The following ANKRD52 variants were observed in gnomAD, a reference collection of about 807,000 sequenced individuals.
ANKRD52 encodes ankyrin repeat domain 52.
A neutral mutation model predicts 116.0 loss-of-function variants in ANKRD52; 7 were observed. The observed-to-expected ratio is 0.06, with a 90% CI of 0.03 to 0.11. ANKRD52 has a LOEUF of 0.11. Among genes scored for constraint, ANKRD52 ranks in the 10% least tolerant of loss-of-function variants. The pLI is 1.00. For synonymous variants in ANKRD52, 528 were observed against 578.1 expected (o/e 0.91, Z 1.24); for missense variants, 839 against 1,408.6 (o/e 0.60, Z 6.47).
rs555239344 is a variant in ANKRD52, at chr12:56,258,229, G to A, written c.27+14C>T. ...CCCTGGAAGGAGGAAGCGGGAAAGG[G>A]CAGGAGGGCTGACCTGGTCCGTGAT... On this transcript the variant is annotated intron_variant, in intron 1 of 27. Coordinates refer to ENST00000267116, the MANE Select transcript of ANKRD52 (RefSeq NM_173595.4). The A allele has an allele frequency of 9.4e-6, 15 of 1,599,892 alleles. No individual in the cohort carries two copies. The African/African-American group carries it at 1.3e-4, about 14-fold the overall frequency.
At chr12:56,251,469 C>G (rs552034000) in intron 15 of ANKRD52, among the ~76,000 whole-genome samples, 8 of 152,154 alleles carry the variant, frequency 5.3e-5, no homozygotes, top group Non-Finnish European at 4.4e-5. Flanking sequence ...TGGTCTTGAA[C>G]TCCTAACCTC....
Position 56,248,630 on chromosome 12 carries a change from G to A in ANKRD52, c.1705-64C>T, listed in dbSNP as rs372978550. The A allele has an allele frequency of 1.1e-4, 163 of 1,508,182 alleles. 1 individual carries two copies. The highest frequency in any genetic ancestry group is 2.3e-4 in the Admixed American group (12 of 51,146). 93.4% of individuals were successfully genotyped at this position (1,508,182 alleles called of 1,614,324 possible). On this transcript the variant is annotated intron_variant, in intron 16 of 27. Transcript: ENST00000267116. This position sits in a 1 kb window ranked among gnomAD's most constrained non-coding sequence, Gnocchi z 5.1. ...CTCCCAAGATAGTACCCCAGTCCCC[G>A]ACTCGCAGTAATCCCCACTAAGCCT...
chr12:56,256,701 G>T (rs1014457990), intron 4 of ANKRD52, among the ~76,000 whole-genome samples: 1 of 152,240 alleles, frequency 6.6e-6, no homozygotes, highest in African/African-American at 2.4e-5. Flanking sequence ...ACAAGGAAAA[G>T]AAATCTCAGT....
In ANKRD52 at chr12:56,243,380, G is replaced by T; in HGVS notation, c.2993C>A (p.Ala998Glu). The T allele has an allele frequency of 1.2e-6, 2 of 1,613,844 alleles. No homozygotes were observed. The highest frequency in any genetic ancestry group is 1.7e-6 in the Non-Finnish European group (2 of 1,179,802). The change falls in exon 28 of 28, where the codon GCA (alanine) becomes GAA (glutamate). Residue 998 changes from alanine (A) to glutamate (E), a missense_variant. Physicochemically the swap from Ala to Glu is moderately radical, Grantham distance 107 (BLOSUM62 -1). This residue lies in a region of ANKRD52 where 552 missense variants were observed against 810.6 expected (regional missense o/e 0.68). Coordinates refer to ENST00000267116, the MANE Select transcript of ANKRD52 (RefSeq NM_173595.4). The surrounding 1 kb of genome is among the most constrained non-coding windows in gnomAD (Gnocchi z 4.6). ...LAVDEEGHTP[A>E]LACAPNKDVA... ...ATCTTTGTTGGGGGCACAGGCCAGTGCTGGGGTGTGACCTGCAGGGCCAAG... is the reference window on the plus strand; with the variant it reads ...ATCTTTGTTGGGGGCACAGGCCAGTTCTGGGGTGTGACCTGCAGGGCCAAG...
intron 3 of ANKRD52, 83 bp downstream of exon 3, chr12:56,257,200 G>A: frequency 6.5e-7 from 1 of 1,542,884 alleles, no homozygotes; most frequent in East Asian, 2.4e-5. Flanking sequence ...CCAAGCCGGG[G>A]AGAGCAATCC....
chr12:56,247,106 A>T (rs967929345), intron 20 of ANKRD52, among the ~76,000 whole-genome samples: 1 of 151,402 alleles, frequency 6.6e-6, no homozygotes, highest in Non-Finnish European at 1.5e-5. Flanking sequence ...GCACTTCGGG[A>T]GGCCAAGGTG....
chr12:56,253,830 GTT>G lies in ANKRD52; in HGVS notation c.907-32_907-31del. ...GGAAACATGGTGGGTTTTTGTTTTT[GTT>G]TTTTTTTCCAGTGCAAAGCACAGAG... On this transcript the variant is annotated intron_variant, in intron 8 of 27. Transcript: ENST00000267116. This position sits in a 1 kb window ranked among gnomAD's most constrained non-coding sequence, Gnocchi z 5.5. The G allele has an allele frequency of 6.3e-7, 1 of 1,586,974 alleles. No individual in the cohort carries two copies. The highest frequency in any genetic ancestry group is 1.1e-5 in the South Asian group (1 of 89,382).
Position 56,254,002 on chromosome 12 carries a change from T to C in ANKRD52, c.906+65A>G. 7 of 1,506,592 alleles carry C rather than the reference T, an allele frequency of 4.6e-6. No individual in the cohort carries two copies. Among genetic ancestry groups the C allele is most frequent in the Non-Finnish European group, 6.4e-6 (7 of 1,090,858 alleles). The allele number at this position is 1,506,592 out of a possible 1,614,324, so 93.3% of individuals were successfully genotyped here. A position where few individuals can be genotyped will look rare whatever the true frequency, so the allele number is the denominator to read the frequency against. ...TAATTCCCCAAGAGAGCTATCCAGA[T>C]ACAGTCAGGACCCCTAGATCCAAGT... On this transcript the variant is annotated intron_variant, in intron 8 of 27. Transcript: ENST00000267116. This position sits in a 1 kb window ranked among gnomAD's most constrained non-coding sequence, Gnocchi z 4.6.
In ANKRD52 at chr12:56,244,520, G is replaced by A. The variant is rs1201743078; in HGVS notation, c.2723-85C>T. 11 of 1,595,206 alleles carry A rather than the reference G, an allele frequency of 6.9e-6. No homozygotes were observed. The highest frequency in any genetic ancestry group is 9.4e-6 in the Non-Finnish European group (11 of 1,167,258). ...CTCTCCACTTTGCATCCCGTCTGCAGATGGCGAGACATCCAAAGACAACCC... is the reference window on the plus strand; with the variant it reads ...CTCTCCACTTTGCATCCCGTCTGCAAATGGCGAGACATCCAAAGACAACCC... On this transcript the variant is annotated intron_variant, in intron 24 of 27. Transcript: ENST00000267116. The surrounding 1 kb of genome is among the most constrained non-coding windows in gnomAD (Gnocchi z 4.9).
Position 56,245,576 on chromosome 12 carries a change from G to A in ANKRD52, c.2205C>T (p.Asp735=), listed in dbSNP as rs765951845. Residue 735 remains aspartate, a synonymous_variant, in exon 21 of 28, where the codon GAC becomes GAT. Coordinates refer to ENST00000267116, the MANE Select transcript of ANKRD52 (RefSeq NM_173595.4). ...LHRGAVTGCE[D]CLAALLDHDA... ...CGTGGTCCAGCAGGGCAGCCAGGCA[G>A]TCCTCACAGCCAGTCACTGCCTGTG... 2 of 1,605,660 alleles carry A rather than the reference G, an allele frequency of 1.2e-6. No homozygotes were observed. Among genetic ancestry groups the A allele is most frequent in the Non-Finnish European group, 1.7e-6 (2 of 1,177,526 alleles).
chr12:56,257,388 T>C (rs1400798009), intron 2 of ANKRD52, 27 bp from the exon 3 acceptor site: 2 of 1,557,006 alleles, frequency 1.3e-6, no homozygotes, highest in Non-Finnish European at 1.7e-6. Context: ...GAGCAGGGAG[T>C]ATGGGCGCGG....
At position 56,241,883 on chromosome 12, in the gene ANKRD52, C is replaced by T; in HGVS notation, c.*1259G>A. The T allele has an allele frequency of 2.5e-6, 1 of 397,974 alleles. No homozygotes were observed. Among genetic ancestry groups the T allele is most frequent in the Non-Finnish European group, 4.4e-6 (1 of 226,090 alleles). 24.7% of individuals were successfully genotyped at this position (397,974 alleles called of 1,614,324 possible). ...CTTTAGAAATCTTATCAGTGCAGCC[C>T]CCAGCTCAATCCCATCTTTCCTCCC... On this transcript the variant is annotated 3_prime_UTR_variant, in exon 28 of 28. Coordinates refer to ENST00000267116, the MANE Select transcript of ANKRD52 (RefSeq NM_173595.4).
In ANKRD52 at chr12:56,248,861, C is replaced by T. The variant is rs943930279; in HGVS notation, c.1602G>A (p.Glu534=). Residue 534 remains glutamate, a synonymous_variant, in exon 16 of 28, where the codon GAG becomes GAA. Transcript: ENST00000267116. This position sits in a 1 kb window ranked among gnomAD's most constrained non-coding sequence, Gnocchi z 5.1. ...SRRKEAFFCL[E]FLLDNGADPS... Reference sequence around the variant, plus strand: ...GGTCTGCACCGTTATCCAGTAAGAACTCCAGACAGCTGGGGAGCCGGGGGT... The same window carrying T: ...GGTCTGCACCGTTATCCAGTAAGAATTCCAGACAGCTGGGGAGCCGGGGGT... The T allele has an allele frequency of 2.5e-6, 4 of 1,599,128 alleles. No individual in the cohort carries two copies. The highest frequency in any genetic ancestry group is 3.4e-6 in the Non-Finnish European group (4 of 1,172,682).
Position 56,244,425 on chromosome 12 carries a change from C to T in ANKRD52, c.2733G>A (p.Leu911=). The change falls in exon 25 of 28, where the codon CTG becomes CTA. Residue 911 remains leucine (L), a synonymous_variant. Coordinates refer to ENST00000267116, the MANE Select transcript of ANKRD52 (RefSeq NM_173595.4). This position sits in a 1 kb window ranked among gnomAD's most constrained non-coding sequence, Gnocchi z 4.9. ...CAGTAAGGTCTGCCTTCCCTCGATA[C>T]AGCAGAAATTCTACGAGAGAAATGT... The part of the protein sequence containing the change: ...NGQTAAVEFL[L]YRGKADLTVL... 1 of 1,614,002 alleles carries T rather than the reference C, an allele frequency of 6.2e-7. No individual in the cohort carries two copies. Among genetic ancestry groups the T allele is most frequent in the Non-Finnish European group, 8.5e-7 (1 of 1,179,880 alleles).
rs1871316532 is a variant in ANKRD52, at chr12:56,244,735, T to C, written c.2639A>G (p.His880Arg). 1 of 1,613,866 alleles carries C rather than the reference T, an allele frequency of 6.2e-7. No individual in the cohort carries two copies. Among genetic ancestry groups the C allele is most frequent in the Non-Finnish European group, 8.5e-7 (1 of 1,179,900 alleles). Residue 880 changes from histidine (H) to arginine (R), a missense_variant, in exon 24 of 28, where the codon CAT becomes CGT. By Grantham distance (29) the His-to-Arg change is conservative. Transcript: ENST00000267116. This position sits in a 1 kb window ranked among gnomAD's most constrained non-coding sequence, Gnocchi z 4.9. ...GTCAGTGGCGTTCACCTCAGCTTGA[T>C]GCTGCAGCAGCATCCGGAGCCCAGA... ...NVSGLRMLLQHQAEVNATDHT... is the reference protein window; with the variant it reads ...NVSGLRMLLQRQAEVNATDHT...
rs947750009 is a variant in ANKRD52 at position 56,248,999 on chromosome 12, G to C, written c.1593-129C>G. Reference sequence around the variant, plus strand: ...GGCCGCCACCCGTCCTCAGCTCTAGGTAGGTTCTCTAAATCCTACCCATTC... The same window carrying C: ...GGCCGCCACCCGTCCTCAGCTCTAGCTAGGTTCTCTAAATCCTACCCATTC... On this transcript the variant is annotated intron_variant, in intron 15 of 27. Coordinates refer to ENST00000267116, the MANE Select transcript of ANKRD52 (RefSeq NM_173595.4). This position sits in a 1 kb window ranked among gnomAD's most constrained non-coding sequence, Gnocchi z 5.1. 5 of 608,082 alleles carry C rather than the reference G, an allele frequency of 8.2e-6. No individual in the cohort carries two copies. Among genetic ancestry groups the C allele is most frequent in the Non-Finnish European group, 1.4e-5 (5 of 349,008 alleles). The allele number at this position is 608,082 out of a possible 1,614,324, so 37.7% of individuals were successfully genotyped here.
rs1262950823 is a variant in ANKRD52 at position 56,255,862 on chromosome 12, G to A, written c.384C>T (p.Pro128=). The part of the protein sequence containing the change: ...RATKCAEALA[P]LLSSLNVADR... ...CAGCCACGTTGAGGCTGCTCAACAG[G>A]GGTGCCAGAGCCTCAGCACACTTGG... Residue 128 remains proline, a synonymous_variant, in exon 5 of 28, where the codon CCC becomes CCT. Coordinates refer to ENST00000267116, the MANE Select transcript of ANKRD52 (RefSeq NM_173595.4). The surrounding 1 kb of genome is among the most constrained non-coding windows in gnomAD (Gnocchi z 4.3). 9 of 1,576,290 alleles carry A rather than the reference G, an allele frequency of 5.7e-6. No homozygotes were observed. Among genetic ancestry groups the A allele is most frequent in the South Asian group, 2.3e-5 (2 of 86,334 alleles).
At chr12:56,247,346 C>CAAAAAAAAAAAAA (rs1007977970) in intron 20 of ANKRD52, 147 bp downstream of exon 20, 1 of 396,268 alleles carries the variant, frequency 2.5e-6, no homozygotes, top group Non-Finnish European at 4.1e-6. Context: ...GACCCTGTCT[C>CAAAAAAAAAAAAA]AAAAAAAAAA....
rs1353206549 is a variant in ANKRD52 at position 56,243,699 on chromosome 12, T to C, written c.2980+86A>G. ...GAGTTCCCTTGGGAAGAAAATCCCA[T>C]GTATAGCAAGATTAAGAAGTCACCT... On this transcript the variant is annotated intron_variant, in intron 27 of 27. Transcript: ENST00000267116. This position sits in a 1 kb window ranked among gnomAD's most constrained non-coding sequence, Gnocchi z 4.6. The C allele has an allele frequency of 1.5e-6, 2 of 1,357,532 alleles. No individual in the cohort carries two copies. Among genetic ancestry groups the C allele is most frequent in the African/African-American group, 2.9e-5 (2 of 68,544 alleles). The allele number at this position is 1,357,532 out of a possible 1,614,324, so 84.1% of individuals were successfully genotyped here.
Sources: allele counts gnomAD v4.1 joint callset (sites outside exome capture counted in the v4.1 genomes callset), GRCh38; gene constraint gnomAD v4.1.1; regional missense constraint gnomAD v4.1.1; non-coding constraint Gnocchi (gnomAD v3.1); transcripts MANE v1.5; gene names NCBI Gene and HGNC (gene_info 2026-07-23, HGNC 2026-07-21).